The following OPHN1 variants were observed in gnomAD, a reference collection of about 807,000 sequenced individuals.
The protein encoded by OPHN1 is oligophrenin 1.
Under a neutral mutation model 60.7 loss-of-function variants are expected in OPHN1, and 11 were observed. The observed-to-expected ratio is 0.18, with a 90% CI of 0.11 to 0.30. The LOEUF is 0.30. Among genes scored for constraint, OPHN1 ranks in the 10% least tolerant of loss-of-function variants. The pLI is 1.00. For synonymous variants in OPHN1, 226 were observed against 222.6 expected (o/e 1.02, Z -0.14); for missense variants, 449 against 611.0 (o/e 0.73, Z 2.80).
chrX:68,223,422 T>C (rs1391867489), intron 6 of OPHN1, among the ~76,000 whole-genome samples: 1 of 112,347 alleles, frequency 8.9e-6, no homozygotes, highest in East Asian at 2.8e-4. Context: ...AAACTGGAAC[T>C]GGAGGCCATT....
intron 19 of OPHN1, among the ~76,000 whole-genome samples, chrX:68,089,625 G>A (rs760712041): frequency 2.5e-4 from 28 of 111,630 alleles, no homozygotes; most frequent in African/African-American, 7.8e-4. Context: ...AAAAAGGGAA[G>A]GAGTGGATAT....
chrX:68,110,305 T>C (rs1287556644), intron 18 of OPHN1, among the ~76,000 whole-genome samples: 2 of 111,922 alleles, frequency 1.8e-5, no homozygotes, highest in African/African-American at 6.5e-5. Flanking sequence ...ATCTATTTGT[T>C]CATGTCTTCT....
intron 2 of OPHN1, among the ~76,000 whole-genome samples, chrX:68,404,373 T>C (rs992290130): frequency 7.2e-5 from 8 of 110,972 alleles, no homozygotes; most frequent in Admixed American, 3.9e-4. Context: ...TTGGCCAGGA[T>C]GGTCTCCATC....
At chrX:68,299,657 A>G (rs529729513) in intron 2 of OPHN1, among the ~76,000 whole-genome samples, 1 of 111,797 alleles carries the variant, frequency 8.9e-6, no homozygotes, top group South Asian at 3.8e-4. Context: ...AGACTCCTTA[A>G]CTTGTTCACA....
intron 6 of OPHN1, among the ~76,000 whole-genome samples, chrX:68,232,902 C>G (rs1477602130): frequency 1.9e-5 from 2 of 106,475 alleles, no homozygotes; most frequent in Non-Finnish European, 3.8e-5. Context: ...TTCTCCTTTG[C>G]AATACTAACT....
At chrX:68,245,929 G>A (rs113681990) in intron 5 of OPHN1, among the ~76,000 whole-genome samples, 15 of 111,452 alleles carry the variant, frequency 1.3e-4, no homozygotes, top group South Asian at 3.8e-4. Context: ...TCAGCCTCCC[G>A]AGTAGCTGGA....
intron 5 of OPHN1, among the ~76,000 whole-genome samples, chrX:68,270,669 C>G (rs2077963713): frequency 9.2e-6 from 1 of 108,354 alleles, no homozygotes; most frequent in Non-Finnish European, 1.9e-5. Context: ...AGCACACCAA[C>G]ATGGCACATG....
At chrX:68,227,335 T>C (rs2077700299) in intron 6 of OPHN1, among the ~76,000 whole-genome samples, 1 of 110,532 alleles carries the variant, frequency 9.0e-6, no homozygotes, top group Non-Finnish European at 1.9e-5. Context: ...ACTGTCAACA[T>C]TAAACAGATC....
At chrX:68,153,450 C>A (rs2077295004) in intron 15 of OPHN1, among the ~76,000 whole-genome samples, 1 of 111,023 alleles carries the variant, frequency 9.0e-6, no homozygotes, top group African/African-American at 3.3e-5. Flanking sequence ...AGCAGTTAGA[C>A]CACCAGATAC....
At chrX:68,416,145 C>T (rs1257502080) in intron 2 of OPHN1, among the ~76,000 whole-genome samples, 1 of 100,219 alleles carries the variant, frequency 1.0e-5, no homozygotes, top group Non-Finnish European at 2.0e-5. Flanking sequence ...TGGGCTCAAG[C>T]CATCCTCCCA....
At chrX:68,230,393 A>T (rs1373572757) in intron 6 of OPHN1, among the ~76,000 whole-genome samples, 1 of 111,409 alleles carries the variant, frequency 9.0e-6, no homozygotes, top group Non-Finnish European at 1.9e-5. Flanking sequence ...ATACTATTTG[A>T]CCCAGCCATC....
At position 68,195,655 on chromosome X, in the gene OPHN1, G is replaced by A. The variant is rs142362701; in HGVS notation, c.1105-1157C>T. On this transcript the variant is annotated intron_variant, in intron 12 of 24. Coordinates refer to ENST00000355520, the MANE Select transcript of OPHN1 (RefSeq NM_002547.3). ...AAAGGAGCAACAACATTAGTAATGT[G>A]AGGTTGCAGGAAATGAGCCCTCTAT... Among the ~76,000 whole-genome samples, 735 of 112,221 alleles carry A rather than the reference G, an allele frequency of 6.5e-3. 7 individuals are homozygous for A. The highest frequency in any genetic ancestry group is 0.022 in the African/African-American group (695 of 30,918).
intron 15 of OPHN1, among the ~76,000 whole-genome samples, chrX:68,161,259 G>C (rs995194016): frequency 1.8e-5 from 2 of 110,660 alleles, no homozygotes; most frequent in Non-Finnish European, 3.8e-5. Context: ...TTATTAATTT[G>C]GTGAAGTCTA....
At chrX:68,089,199 A>G (rs2077006919) in intron 19 of OPHN1, among the ~76,000 whole-genome samples, 1 of 111,459 alleles carries the variant, frequency 9.0e-6, no homozygotes, top group African/African-American at 3.3e-5. Context: ...CCCCAGTCTT[A>G]CTGTATTATC....
intron 2 of OPHN1, among the ~76,000 whole-genome samples, chrX:68,428,461 C>CTCATA (rs2078870223): frequency 9.0e-6 from 1 of 111,336 alleles, no homozygotes; most frequent in African/African-American, 3.3e-5. Flanking sequence ...TGGCTCTCAT[C>CTCATA]TGTATCTACT....
chrX:68,107,162 A>G (rs2077084979), intron 18 of OPHN1, among the ~76,000 whole-genome samples: 1 of 112,111 alleles, frequency 8.9e-6, no homozygotes, highest in African/African-American at 3.2e-5. Flanking sequence ...ATCATCTAAT[A>G]TCTAGTCCAT....
intron 6 of OPHN1, among the ~76,000 whole-genome samples, chrX:68,227,271 C>T (rs999922297): frequency 2.7e-5 from 3 of 111,016 alleles, no homozygotes; most frequent in Non-Finnish European, 5.7e-5. Flanking sequence ...TCCTTAGAGA[C>T]CGAGAAAGAG....
rs2076935438 is a variant in OPHN1, at chrX:68,071,724, T to C, written c.1834+1428A>G. 1.2e-5 allele frequency: 6 copies of C among 495,662 alleles called. No homozygotes were observed. The Admixed American group carries it at 1.3e-4, about 11-fold the overall frequency. 40.8% of individuals were successfully genotyped at this position (495,662 alleles called of 1,213,427 possible). A position where few individuals can be genotyped will look rare whatever the true frequency, so the allele number is the denominator to read the frequency against. On this transcript the variant is annotated intron_variant, in intron 20 of 24. Transcript: ENST00000355520. ...CACTCTCATAATGACCCGCTGCCCT[T>C]TGACGTCTGGTTTGTCCAATGTCAG...
At chrX:68,379,148 C>A (rs1466804176) in intron 2 of OPHN1, among the ~76,000 whole-genome samples, 1 of 110,989 alleles carries the variant, frequency 9.0e-6, no homozygotes, top group East Asian at 2.9e-4. Flanking sequence ...AGGTCCTTCA[C>A]GTCCCTTGTA....
Sources: gnomAD v4.1 joint callset for allele counts (sites outside exome capture counted in the v4.1 genomes callset) on GRCh38, gnomAD v4.1.1 for gene constraint, MANE v1.5 for transcripts, NCBI Gene and HGNC (gene_info 2026-07-23, HGNC 2026-07-21) for gene names.